CD38: variants seen among roughly 807,000 people sequenced by gnomAD.
CD38 encodes ADP-ribosyl cyclase/cyclic ADP-ribose hydrolase 1.
In CD38, 31 loss-of-function variants were observed where a neutral mutation model predicts 36.3. That is an observed-to-expected ratio of 0.85 (90% CI 0.64 to 1.15). CD38 has a LOEUF of 1.15. Ranked by LOEUF, CD38 falls within the 50% of genes most tolerant of loss-of-function variation. CD38 has a pLI of 0.00. For missense variants in CD38, 380 were observed against 371.9 expected (o/e 1.02, Z -0.18); for synonymous variants, 131 against 135.2 (o/e 0.97, Z 0.22).
At chr4:15,809,997 G>A (rs768910789) in intron 1 of CD38, among the ~76,000 whole-genome samples, 6 of 152,140 alleles carry the variant, frequency 3.9e-5, no homozygotes, top group African/African-American at 7.2e-5. Flanking sequence ...CCTGCCCCCA[G>A]ATTTCTCATT....
chr4:15,832,873 G>C (rs953638614), intron 3 of CD38, among the ~76,000 whole-genome samples: 4 of 152,184 alleles, frequency 2.6e-5, no homozygotes, highest in Non-Finnish European at 4.4e-5. Flanking sequence ...CCAGGGACTA[G>C]AGTAAAAAAC....
At chr4:15,833,900 C>T (rs1181462548) in intron 3 of CD38, among the ~76,000 whole-genome samples, 3 of 152,168 alleles carry the variant, frequency 2.0e-5, no homozygotes, top group African/African-American at 7.2e-5. Flanking sequence ...ACTGGTTTTA[C>T]CTCTAATTCT....
At chr4:15,839,822 A>C (rs1724162295) in intron 5 of CD38, among the ~76,000 whole-genome samples, 1 of 152,194 alleles carries the variant, frequency 6.6e-6, no homozygotes, top group Non-Finnish European at 1.5e-5. Context: ...ACATTAATGC[A>C]CAAATTAAGA....
chr4:15,841,256 A>T (rs1724199591), intron 7 of CD38, among the ~76,000 whole-genome samples: 1 of 152,204 alleles, frequency 6.6e-6, no homozygotes, highest in Admixed American at 6.5e-5. Flanking sequence ...AATAGCTTGG[A>T]ACAAGATTGA....
intron 1 of CD38, among the ~76,000 whole-genome samples, chr4:15,784,900 A>G (rs7659350): frequency 6.6e-6 from 1 of 151,948 alleles, no homozygotes; most frequent in Non-Finnish European, 1.5e-5. Flanking sequence ...TACTAAAAAT[A>G]CAAAAATTAG....
intron 1 of CD38, among the ~76,000 whole-genome samples, chr4:15,802,727 T>G (rs1365496308): frequency 2.0e-5 from 3 of 151,968 alleles, no homozygotes; most frequent in African/African-American, 7.2e-5. Context: ...CTATTTTTAG[T>G]AGAGATAGGG....
intron 1 of CD38, among the ~76,000 whole-genome samples, chr4:15,802,973 A>G (rs900829460): frequency 6.6e-6 from 1 of 152,212 alleles, no homozygotes; most frequent in Admixed American, 6.5e-5. Flanking sequence ...CAGAATAGAG[A>G]ACCCAGAAAT....
intron 1 of CD38, among the ~76,000 whole-genome samples, chr4:15,791,111 C>T (rs1722973261): frequency 7.9e-6 from 1 of 126,590 alleles, no homozygotes; most frequent in African/African-American, 3.6e-5. Flanking sequence ...CTCTGCCCGG[C>T]CGCCCCTACT....
intron 3 of CD38, chr4:15,825,251 G>A (rs542307349): frequency 3.0e-5 from 13 of 440,112 alleles, no homozygotes; most frequent in African/African-American, 1.6e-4. Context: ...CAAGAAGTAG[G>A]GTACCAGCAT....
At chr4:15,829,787 C>T (rs1393756943) in intron 3 of CD38, among the ~76,000 whole-genome samples, 7 of 152,160 alleles carry the variant, frequency 4.6e-5, no homozygotes, top group Non-Finnish European at 1.5e-5. Flanking sequence ...TCTCCATGTC[C>T]ATGAGATCAG....
chr4:15,801,965 G>A (rs1041003207), intron 1 of CD38, among the ~76,000 whole-genome samples: 1 of 152,076 alleles, frequency 6.6e-6, no homozygotes, highest in African/African-American at 2.4e-5. Flanking sequence ...GCAACAGAAA[G>A]AAATAAAAGA....
rs1187584459 is a variant in CD38, at chr4:15,816,637, C to T, written c.360C>T (p.Asn120=). The T allele has an allele frequency of 6.2e-6, 10 of 1,613,532 alleles. No individual in the cohort carries two copies. In the African/African-American group the frequency reaches 9.4e-5, roughly 15 times the overall value. Residue 120 remains asparagine (N), a synonymous_variant, in exon 2 of 8, where the codon AAC becomes AAT. Transcript: ENST00000226279. Reference sequence around the variant, plus strand: ...TGGGAACTCAGACCGTACCTTGCAACAAGGTAATTGGGGGCATGCCATTGA... The same window carrying T: ...TGGGAACTCAGACCGTACCTTGCAATAAGGTAATTGGGGGCATGCCATTGA... ...MKLGTQTVPC[N]KILLWSRIKD...
At chr4:15,818,711 G>A (rs1416625734) in intron 2 of CD38, among the ~76,000 whole-genome samples, 8 of 152,260 alleles carry the variant, frequency 5.3e-5, no homozygotes, top group African/African-American at 7.2e-5. Flanking sequence ...CTTCAGGTGC[G>A]GGAGGAACCC....
intron 3 of CD38, among the ~76,000 whole-genome samples, chr4:15,827,852 TA>T (rs1323452578): frequency 6.6e-6 from 1 of 152,186 alleles, no homozygotes; most frequent in Non-Finnish European, 1.5e-5. Context: ...AATTTCTTCT[TA>T]TTTTATAGAT....
At chr4:15,830,462 G>C (rs1438605901) in intron 3 of CD38, among the ~76,000 whole-genome samples, 1 of 152,156 alleles carries the variant, frequency 6.6e-6, no homozygotes, top group African/African-American at 2.4e-5. Flanking sequence ...CTATAGAGTT[G>C]TTTGAATTAC....
intron 1 of CD38, among the ~76,000 whole-genome samples, chr4:15,812,660 A>G (rs1012339655): frequency 6.6e-6 from 1 of 152,214 alleles, no homozygotes; most frequent in Non-Finnish European, 1.5e-5. Context: ...AGATCGCACC[A>G]TTGCACTCTA....
intron 1 of CD38, among the ~76,000 whole-genome samples, chr4:15,806,701 G>GT (rs1237684461): frequency 9.2e-5 from 14 of 152,170 alleles, no homozygotes; most frequent in Admixed American, 9.2e-4. Context: ...GATAGGGTGA[G>GT]TGAGAGGTCT....
chr4:15,782,944 C>T (rs1222071524), intron 1 of CD38, among the ~76,000 whole-genome samples: 1 of 152,182 alleles, frequency 6.6e-6, no homozygotes, highest in Non-Finnish European at 1.5e-5. Context: ...AACTCACTTT[C>T]TGCAAGTTTT....
intron 1 of CD38, among the ~76,000 whole-genome samples, chr4:15,781,949 C>T (rs1315371969): frequency 6.6e-6 from 1 of 152,190 alleles, no homozygotes; most frequent in African/African-American, 2.4e-5. Flanking sequence ...AGCTGAGTGG[C>T]CTGTTTCACT....
Sources: gnomAD v4.1 joint callset for allele counts (sites outside exome capture counted in the v4.1 genomes callset) on GRCh38, gnomAD v4.1.1 for gene constraint, MANE v1.5 for transcripts, NCBI Gene and HGNC (gene_info 2026-07-23, HGNC 2026-07-21) for gene names.